INSR: variants seen among roughly 807,000 people sequenced by gnomAD.
The protein encoded by INSR is insulin receptor, also known as IR.
INSR carries 67 observed loss-of-function variants against 142.6 expected under a neutral mutation model. The ratio of observed to expected loss-of-function variants is 0.47; its 90% CI spans 0.39 to 0.58. The LOEUF (loss-of-function observed/expected upper bound fraction) is 0.58. INSR is among the 20% of genes least tolerant of loss of function. INSR has a pLI of 0.00. For synonymous variants in INSR, 756 were observed against 743.1 expected (o/e 1.02, Z -0.28); for missense variants, 1,248 against 1,833.2 (o/e 0.68, Z 5.83).
rs3835070 is a variant in INSR at position 7,184,640 on chromosome 19, GGAGA to G, written c.653-7_653-4del. The stretch of plus-strand genomic sequence containing the variant: ...TGACTTACAGATGGTCGGGCAAACT[GGAGA>G]GAGAGAGAGAGAGAGAGGGAAATAA... On this transcript the variant is annotated splice_region_variant and splice_polypyrimidine_tract_variant and intron_variant, in intron 2 of 21. Coordinates refer to ENST00000302850, the MANE Select transcript of INSR (RefSeq NM_000208.4). The G allele has an allele frequency of 2.0e-3, 2,707 of 1,367,248 alleles. 2 individuals carry two copies. The highest frequency in any genetic ancestry group is 3.2e-3 in the African/African-American group (196 of 61,166). 84.7% of individuals were successfully genotyped at this position (1,367,248 alleles called of 1,614,324 possible). A position where few individuals can be genotyped will look rare whatever the true frequency, so the allele number is the denominator to read the frequency against.
At chr19:7,148,495 T>TTTTTTTTTTTTTA (rs1973236546) in intron 11 of INSR, among the ~76,000 whole-genome samples, 1 of 145,332 alleles carries the variant, frequency 6.9e-6, no homozygotes, top group Non-Finnish European at 1.5e-5. Context: ...TTTTTTTTTT[T>TTTTTTTTTTTTTA]GAGACAGAGT....
Position 7,117,287 on chromosome 19 carries a change from G to C in INSR, c.3918C>G (p.Ser1306Arg). 6.2e-7 allele frequency: 1 copy of C among 1,614,114 alleles called. No homozygotes were observed. The highest frequency in any genetic ancestry group is 8.5e-7 in the Non-Finnish European group (1 of 1,180,004). The part of the protein sequence containing the change: ...PSFPEVSFFH[S>R]EENKAPESEE... ...CACTCTCGGGAGCCTTGTTCTCCTC[G>C]CTGTGGAAGAACGACACCTCTGGAA... Residue 1306 changes from serine to arginine, a missense_variant, in exon 22 of 22, where the codon AGC (serine) becomes AGG (arginine). Transcript: ENST00000302850.
chr19:7,227,632 A>T (rs910983566), intron 2 of INSR, among the ~76,000 whole-genome samples: 2 of 152,106 alleles, frequency 1.3e-5, no homozygotes, highest in Non-Finnish European at 2.9e-5. Flanking sequence ...AGAGTTTTGC[A>T]TCGACTCCAG....
chr19:7,228,854 G>T (rs1234493156), intron 2 of INSR, among the ~76,000 whole-genome samples: 1 of 152,102 alleles, frequency 6.6e-6, no homozygotes, highest in East Asian at 1.9e-4. Context: ...GAATGGGTGG[G>T]TGGAGGGATG....
chr19:7,201,604 G>A (rs62111428), intron 2 of INSR, among the ~76,000 whole-genome samples: 22,549 of 150,968 alleles, frequency 0.15, 2,235 homozygotes, highest in African/African-American at 0.28. Flanking sequence ...CAGCCTGGGC[G>A]ACCAAGTGAG....
intron 2 of INSR, among the ~76,000 whole-genome samples, chr19:7,235,321 G>A (rs111513411): frequency 1.0e-3 from 154 of 152,102 alleles, no homozygotes; most frequent in Admixed American, 2.4e-3. Context: ...ACACAGTCAC[G>A]AACTCCCTAC....
At chr19:7,142,303 T>G (rs900243193) in intron 12 of INSR, among the ~76,000 whole-genome samples, 2 of 146,206 alleles carry the variant, frequency 1.4e-5, no homozygotes, top group Non-Finnish European at 3.0e-5. Flanking sequence ...GGCAGGAGAA[T>G]TGCTTGAACC....
intron 2 of INSR, among the ~76,000 whole-genome samples, chr19:7,256,926 C>T (rs1976911392): frequency 6.8e-6 from 1 of 146,962 alleles, no homozygotes; most frequent in Admixed American, 6.9e-5. Context: ...CATGCTCTAC[C>T]CTACCTTTTT....
chr19:7,174,552 G>T (rs1432926936), intron 4 of INSR, 31 bp downstream of exon 4: 2 of 1,612,590 alleles, frequency 1.2e-6, no homozygotes, highest in Non-Finnish European at 8.5e-7. Context: ...AGCCCAACAG[G>T]CACCCCCGAC....
At chr19:7,237,832 A>T (rs1414192154) in intron 2 of INSR, among the ~76,000 whole-genome samples, 3 of 146,700 alleles carry the variant, frequency 2.0e-5, no homozygotes, top group East Asian at 1.9e-4. Flanking sequence ...ATAAATAAAT[A>T]AAATTAAATT....
chr19:7,242,784 A>G (rs1324569720), intron 2 of INSR, among the ~76,000 whole-genome samples: 3 of 151,478 alleles, frequency 2.0e-5, no homozygotes, highest in Non-Finnish European at 2.9e-5. Flanking sequence ...CTGGTGTAAT[A>G]TCATGAAACC....
At chr19:7,130,151 G>GTA (rs1300674982) in intron 14 of INSR, among the ~76,000 whole-genome samples, 6 of 152,156 alleles carry the variant, frequency 3.9e-5, no homozygotes, top group Admixed American at 3.9e-4. Context: ...TTATCTCCAT[G>GTA]TACAGATGAG....
intron 1 of INSR, among the ~76,000 whole-genome samples, chr19:7,288,677 A>G (rs1039125992): frequency 7.0e-6 from 1 of 142,278 alleles, no homozygotes; most frequent in African/African-American, 3.0e-5. Context: ...AAAAAAAAAA[A>G]AAGGGCCGGA....
rs1974799902 is a variant in INSR at position 7,197,580 on chromosome 19, GTGTGTGT to G, written c.653-12950_653-12944del. Among the ~76,000 whole-genome samples the G allele has an allele frequency of 9.7e-5, 2 of 20,666 alleles. 1 individual carries two copies. The highest frequency in any genetic ancestry group is 2.0e-4 in the Non-Finnish European group (2 of 9,954). The allele number at this position is 20,666 out of a possible 152,430, so 13.6% of individuals were successfully genotyped here. On this transcript the variant is annotated intron_variant, in intron 2 of 21. Transcript: ENST00000302850. Reference sequence around the variant, plus strand: ...AGAGTGGGAGTGTGTGTGTTTGGGTGTGTGTGTGTGTGTGTGTGTCAGATTCCAGAGT... The same window carrying G: ...AGAGTGGGAGTGTGTGTGTTTGGGTGGTGTGTGTGTGTCAGATTCCAGAGT...
At chr19:7,206,455 C>T (rs1975106657) in intron 2 of INSR, among the ~76,000 whole-genome samples, 1 of 152,180 alleles carries the variant, frequency 6.6e-6, no homozygotes, top group Non-Finnish European at 1.5e-5. Flanking sequence ...GCGATGGAAG[C>T]TTCATCTGTA....
intron 1 of INSR, among the ~76,000 whole-genome samples, chr19:7,289,395 T>TTTTTC (rs1286757318): frequency 1.0e-3 from 142 of 141,214 alleles, no homozygotes; most frequent in Middle Eastern, 3.4e-3. Context: ...TGAAGATTCT[T>TTTTTC]TTTTCTTTTC....
chr19:7,292,473 G>T (rs1296369976), intron 1 of INSR, among the ~76,000 whole-genome samples: 2 of 148,630 alleles, frequency 1.3e-5, no homozygotes, highest in Non-Finnish European at 3.0e-5. Context: ...GCGGGGCTGG[G>T]GGGGGGTGGG....
chr19:7,184,851 A>G (rs1473924918), intron 2 of INSR, among the ~76,000 whole-genome samples: 3 of 152,178 alleles, frequency 2.0e-5, no homozygotes, highest in Non-Finnish European at 4.4e-5. Flanking sequence ...CCTCCAAACC[A>G]TTGGTGAGCT....
At chr19:7,133,225 G>A (rs1032394190) in intron 13 of INSR, among the ~76,000 whole-genome samples, 2 of 152,136 alleles carry the variant, frequency 1.3e-5, no homozygotes, top group African/African-American at 2.4e-5. Flanking sequence ...AGGCTCCACC[G>A]TACTCCAGCC....
Sources: gnomAD v4.1 joint callset for allele counts (sites outside exome capture counted in the v4.1 genomes callset) on GRCh38, gnomAD v4.1.1 for gene constraint, MANE v1.5 for transcripts, NCBI Gene and HGNC (gene_info 2026-07-23, HGNC 2026-07-21) for gene names.